Variants in CDCP1 observed in about 807,000 individuals in gnomAD.
CDCP1 encodes the protein CUB domain-containing protein 1.
A neutral mutation model predicts 60.2 loss-of-function variants in CDCP1; 29 were observed. The ratio of observed to expected loss-of-function variants is 0.48; its 90% CI spans 0.36 to 0.66. The LOEUF is 0.66. CDCP1 is among the 30% of genes least tolerant of loss of function. The pLI, the probability that CDCP1 is intolerant of heterozygous loss-of-function variation, is 0.00. For missense variants in CDCP1, 876 were observed against 1,074.3 expected, an observed-to-expected ratio of 0.82 and a Z score of 2.58; for synonymous variants, 387 against 431.1, an observed-to-expected ratio of 0.90 and a Z score of 1.27.
rs1698878372 is a variant in CDCP1 at position 45,121,225 on chromosome 3, T to G, written c.83-2604A>C. Reference sequence around the variant, plus strand: ...ATTAATAGCTTGAGAGAGAATATATTCTCAGGGGCAGAAGTTTTATTTGCT... The same window carrying G: ...ATTAATAGCTTGAGAGAGAATATATGCTCAGGGGCAGAAGTTTTATTTGCT... On this transcript the variant is annotated intron_variant, in intron 1 of 8. Transcript: ENST00000296129. 2.0e-5 allele frequency among the ~76,000 whole-genome samples: 3 copies of G among 152,180 alleles called. No homozygotes were observed. The South Asian group carries it at 6.2e-4, about 31-fold the overall frequency.
rs1410892808 is a variant in CDCP1 at position 45,082,590 on chromosome 3, T to C, written c.*3048A>G. On this transcript the variant is annotated 3_prime_UTR_variant, in exon 9 of 9. Transcript: ENST00000296129. Reference sequence around the variant, plus strand: ...CCACCTAAAAAGTATCTGCAATGAATAAATTATTTCCAGTGAAGCACTGCA... The same window carrying C: ...CCACCTAAAAAGTATCTGCAATGAACAAATTATTTCCAGTGAAGCACTGCA... 1 of 152,184 alleles carries C rather than the reference T, an allele frequency of 6.6e-6. No homozygotes were observed. Among genetic ancestry groups the C allele is most frequent in the Non-Finnish European group, 1.5e-5 (1 of 68,028 alleles). The allele number at this position is 152,184 out of a possible 1,614,324, so 9.4% of individuals were successfully genotyped here.
intron 7 of CDCP1, among the ~76,000 whole-genome samples, chr3:45,089,460 A>C (rs1188304365): frequency 6.6e-6 from 1 of 152,206 alleles, no homozygotes; most frequent in African/African-American, 2.4e-5. Flanking sequence ...TGCTGTGAGA[A>C]AGCCCAAGCT....
intron 4 of CDCP1, among the ~76,000 whole-genome samples, chr3:45,097,563 C>CTAACTTTG (rs1414895417): frequency 3.3e-5 from 5 of 150,096 alleles, no homozygotes; most frequent in South Asian, 2.1e-4. Flanking sequence ...CAAAGTGGTG[C>CTAACTTTG]TAACTTTGCA....
At chr3:45,102,982 A>G (rs1698505912) in intron 4 of CDCP1, among the ~76,000 whole-genome samples, 1 of 151,756 alleles carries the variant, frequency 6.6e-6, no homozygotes, top group Non-Finnish European at 1.5e-5. Context: ...TTTTTTGACA[A>G]ATAATTTACA....
At chr3:45,106,552 C>T (rs1208320635) in intron 4 of CDCP1, among the ~76,000 whole-genome samples, 1 of 152,104 alleles carries the variant, frequency 6.6e-6, no homozygotes, top group Non-Finnish European at 1.5e-5. Context: ...TTATGGAGGG[C>T]CTGGAATGTG....
chr3:45,112,761 T>C (rs1387067339), intron 2 of CDCP1, among the ~76,000 whole-genome samples: 1 of 152,162 alleles, frequency 6.6e-6, no homozygotes, highest in Non-Finnish European at 1.5e-5. Flanking sequence ...CTGCAGGAAT[T>C]AAAAAGTCTG....
Position 45,146,221 on chromosome 3 carries a change from G to A in CDCP1, c.67C>T (p.Leu23=). 3 of 1,595,774 alleles carry A rather than the reference G, an allele frequency of 1.9e-6. No homozygotes were observed. The highest frequency in any genetic ancestry group is 2.6e-6 in the Non-Finnish European group (3 of 1,173,476). Residue 23 remains leucine (L), a synonymous_variant, in exon 1 of 9, where the codon CTG becomes TTG. Coordinates refer to ENST00000296129, the MANE Select transcript of CDCP1 (RefSeq NM_022842.5). ...CGGCACTCACCTGCCCCGCGCGGCA[G>A]GCGCGCCGCACCCAGCAGCAGAACC... ...LGVLLLGAAR[L]PRGAEAFEIA...
chr3:45,126,147 TTTCTTTC>T (rs1698986952), intron 1 of CDCP1, among the ~76,000 whole-genome samples: 1 of 142,420 alleles, frequency 7.0e-6, no homozygotes, highest in African/African-American at 2.7e-5. Context: ...TCTTTCTTTC[TTTCTTTC>T]TTTCTTTCTT....
chr3:45,086,488 A>G (rs1016064023), intron 8 of CDCP1, among the ~76,000 whole-genome samples: 4 of 152,214 alleles, frequency 2.6e-5, no homozygotes, highest in African/African-American at 9.6e-5. Context: ...CCGCACTCTT[A>G]GTACTTTCCC....
chr3:45,122,183 G>T (rs1274375014), intron 1 of CDCP1, among the ~76,000 whole-genome samples: 6 of 133,986 alleles, frequency 4.5e-5, no homozygotes, highest in Admixed American at 8.2e-5. Flanking sequence ...TCACTCTGTT[G>T]CCCAGGCTGG....
In CDCP1 at chr3:45,122,763, A is replaced by AT. The variant is rs559049990; in HGVS notation, c.83-4143dup. ...GCCACTGCACCTGGCCTAGAAATTC[A>AT]TTTTTTAAAGAATTTTGGAAATGAT... On this transcript the variant is annotated intron_variant, in intron 1 of 8. Transcript: ENST00000296129. Among the ~76,000 whole-genome samples, 209 of 152,290 alleles carry AT rather than the reference A, an allele frequency of 1.4e-3. 2 individuals are homozygous for AT. Among genetic ancestry groups the AT allele is most frequent in the African/African-American group, 4.0e-3 (167 of 41,566 alleles).
At chr3:45,093,686 C>A (rs199931105) in intron 5 of CDCP1, 29 bp from the exon 6 acceptor site, 666 of 1,583,722 alleles carry the variant, frequency 4.2e-4, no homozygotes, top group Non-Finnish European at 5.5e-4. Flanking sequence ...GCTAGCCATG[C>A]ACAAAGGAGA....
intron 3 of CDCP1, among the ~76,000 whole-genome samples, chr3:45,111,548 C>T (rs529941205): frequency 1.3e-5 from 2 of 152,214 alleles, no homozygotes; most frequent in Non-Finnish European, 2.9e-5. Flanking sequence ...TGGTGGCGCA[C>T]GACTATAGTC....
chr3:45,139,597 G>C (rs1054953338), intron 1 of CDCP1: 3 of 152,246 alleles, frequency 2.0e-5, no homozygotes, highest in Non-Finnish European at 4.4e-5. Flanking sequence ...AGAGGCAATA[G>C]TGACCGGGAG....
intron 4 of CDCP1, among the ~76,000 whole-genome samples, chr3:45,104,758 T>C (rs898555734): frequency 6.6e-6 from 1 of 152,182 alleles, no homozygotes; most frequent in Non-Finnish European, 1.5e-5. Context: ...TGCCTTCATA[T>C]AAAAAACATT....
At chr3:45,097,497 T>A (rs1450305040) in intron 4 of CDCP1, among the ~76,000 whole-genome samples, 1 of 146,798 alleles carries the variant, frequency 6.8e-6, no homozygotes, top group Non-Finnish European at 1.5e-5. Flanking sequence ...ATTTCATTCA[T>A]TCTTTTGTTT....
chr3:45,094,703 G>A (rs1036974758), intron 5 of CDCP1, among the ~76,000 whole-genome samples: 2 of 151,918 alleles, frequency 1.3e-5, no homozygotes, highest in African/African-American at 2.4e-5. Context: ...GTGTGGAAGT[G>A]GGGGTGTGGG....
At chr3:45,124,917 A>G (rs958937876) in intron 1 of CDCP1, among the ~76,000 whole-genome samples, 1 of 152,142 alleles carries the variant, frequency 6.6e-6, no homozygotes, top group African/African-American at 2.4e-5. Flanking sequence ...CGAGTGTTGA[A>G]TTCACACACA....
At position 45,146,204 on chromosome 3, in the gene CDCP1, A is replaced by C. The variant is rs1699385900; in HGVS notation, c.82+2T>G. On this transcript the variant is annotated splice_donor_variant, in intron 1 of 8. Transcript: ENST00000296129. LOFTEE classifies it high-confidence loss of function. The stretch of plus-strand genomic sequence containing the variant: ...CATCCGCCTCCAAAGCCCGGCACTC[A>C]CCTGCCCCGCGCGGCAGGCGCGCCG... 6.3e-7 allele frequency: 1 copy of C among 1,589,888 alleles called. No homozygotes were observed. Among genetic ancestry groups the C allele is most frequent in the Non-Finnish European group, 8.5e-7 (1 of 1,170,998 alleles).
Sources: allele counts gnomAD v4.1 joint callset (sites outside exome capture counted in the v4.1 genomes callset), GRCh38; gene constraint gnomAD v4.1.1; transcripts MANE v1.5; gene names NCBI Gene and HGNC (gene_info 2026-07-23, HGNC 2026-07-21).